Variants in ALG14 observed in about 807,000 individuals in gnomAD.
ALG14 encodes the protein ALG14 UDP-N-acetylglucosaminyltransferase subunit.
Under a neutral mutation model 22.8 loss-of-function variants are expected in ALG14, and 17 were observed. The observed-to-expected ratio is 0.75, with a 90% CI of 0.51 to 1.12. The LOEUF (loss-of-function observed/expected upper bound fraction) is 1.12, where lower values mean the gene tolerates loss of function less well. Ranked by LOEUF, ALG14 falls within the 50% of genes most tolerant of loss-of-function variation. The probability of loss-of-function intolerance (pLI) is 0.00; values close to 1 mark genes in which losing one functional copy is unlikely to be tolerated. For missense variants in ALG14, 288 were observed against 271.8 expected, an observed-to-expected ratio of 1.06 and a Z score of -0.42; for synonymous variants, 89 against 103.7, an observed-to-expected ratio of 0.86 and a Z score of 0.86.
At chr1:95,042,777 A>C (rs191014495) in intron 2 of ALG14, among the ~76,000 whole-genome samples, 72 of 152,186 alleles carry the variant, frequency 4.7e-4, no homozygotes, top group African/African-American at 1.6e-3. Flanking sequence ...CTTTCACTGG[A>C]CTCAGGATAG....
chr1:95,065,103 A>T, intron 1 of ALG14, 86 bp from the exon 2 acceptor site: 4 of 1,247,210 alleles, frequency 3.2e-6, no homozygotes, highest in Non-Finnish European at 4.3e-6. Flanking sequence ...TCATGGTTTC[A>T]GGTTGGGGGT....
intron 2 of ALG14, among the ~76,000 whole-genome samples, chr1:95,059,455 A>G (rs1675060840): frequency 6.6e-6 from 1 of 150,898 alleles, no homozygotes; most frequent in Admixed American, 6.6e-5. Flanking sequence ...TATCTCCTTG[A>G]ATTTCAATGA....
intron 3 of ALG14, among the ~76,000 whole-genome samples, chr1:95,001,270 C>A (rs981776067): frequency 3.3e-4 from 50 of 152,280 alleles, no homozygotes; most frequent in African/African-American, 1.2e-3. Flanking sequence ...CAGCCAGCCC[C>A]CATGGGTTTT....
chr1:95,008,079 T>G (rs886596836), intron 3 of ALG14, among the ~76,000 whole-genome samples: 12 of 152,212 alleles, frequency 7.9e-5, no homozygotes, highest in Admixed American at 3.9e-4. Context: ...ATTTCTTTCT[T>G]CTGAGAATCG....
At chr1:95,034,508 C>A (rs973853686) in intron 2 of ALG14, among the ~76,000 whole-genome samples, 1 of 152,212 alleles carries the variant, frequency 6.6e-6, no homozygotes, top group African/African-American at 2.4e-5. Context: ...GGGGAAGATG[C>A]TGGCTCTTAA....
chr1:95,039,240 C>T (rs1674306184), intron 2 of ALG14, among the ~76,000 whole-genome samples: 1 of 152,004 alleles, frequency 6.6e-6, no homozygotes, highest in Admixed American at 6.6e-5. Context: ...TAGGGAACAA[C>T]AGAAAATGGA....
At chr1:95,020,398 T>C (rs1283950853) in intron 3 of ALG14, among the ~76,000 whole-genome samples, 1 of 151,810 alleles carries the variant, frequency 6.6e-6, no homozygotes, top group Non-Finnish European at 1.5e-5. Context: ...TAGAAAACAC[T>C]ATCTGTGTTT....
chr1:95,059,290 G>C (rs1675048900), intron 2 of ALG14, among the ~76,000 whole-genome samples: 1 of 151,264 alleles, frequency 6.6e-6, no homozygotes. Flanking sequence ...CAAACTACTA[G>C]GGGGGCTGAG....
chr1:95,062,761 T>C (rs911298958), intron 2 of ALG14, among the ~76,000 whole-genome samples: 1 of 152,240 alleles, frequency 6.6e-6, no homozygotes, highest in Non-Finnish European at 1.5e-5. Context: ...AGTGAACATA[T>C]GTGTGCATGT....
At chr1:95,040,367 G>A (rs1674341532) in intron 2 of ALG14, among the ~76,000 whole-genome samples, 1 of 152,092 alleles carries the variant, frequency 6.6e-6, no homozygotes, top group Non-Finnish European at 1.5e-5. Context: ...CATAAAGTGA[G>A]CATCTACCAG....
At chr1:95,072,605 C>T (rs1557662207) in intron 1 of ALG14, among the ~76,000 whole-genome samples, 158 bp downstream of exon 1, 1 of 152,178 alleles carries the variant, frequency 6.6e-6, no homozygotes, top group South Asian at 2.1e-4. Context: ...CAGCCCCTAC[C>T]CTGGCTGGAC....
chr1:95,014,232 T>A (rs1673443369), intron 3 of ALG14, among the ~76,000 whole-genome samples: 1 of 152,210 alleles, frequency 6.6e-6, no homozygotes, highest in Non-Finnish European at 1.5e-5. Context: ...GGCTATTTGT[T>A]CTGGGCGCTT....
At chr1:95,038,250 G>A (rs1243056835) in intron 2 of ALG14, among the ~76,000 whole-genome samples, 1 of 152,216 alleles carries the variant, frequency 6.6e-6, no homozygotes, top group Non-Finnish European at 1.5e-5. Context: ...CACTTTGGGA[G>A]GCCGAGGTGT....
intron 3 of ALG14, among the ~76,000 whole-genome samples, chr1:95,015,260 C>G (rs756617148): frequency 3.9e-5 from 6 of 152,150 alleles, no homozygotes; most frequent in Non-Finnish European, 8.8e-5. Context: ...TAATTTCCAT[C>G]TGGTAGAACT....
chr1:95,045,848 TAATAG>T (rs1258972724), intron 2 of ALG14, among the ~76,000 whole-genome samples: 1 of 148,152 alleles, frequency 6.7e-6, no homozygotes, highest in African/African-American at 2.5e-5. Context: ...AATGGCATAC[TAATAG>T]AATTAGTATA....
At chr1:95,069,915 G>C (rs767425860) in intron 1 of ALG14, among the ~76,000 whole-genome samples, 3 of 152,118 alleles carry the variant, frequency 2.0e-5, no homozygotes, top group Admixed American at 6.6e-5. Context: ...GAAATTATCC[G>C]AGCTGGGGAG....
intron 3 of ALG14, among the ~76,000 whole-genome samples, chr1:95,026,086 C>G (rs533816309): frequency 6.6e-6 from 1 of 152,152 alleles, no homozygotes; most frequent in Non-Finnish European, 1.5e-5. Flanking sequence ...GCGCCCACCA[C>G]CACGGCCGGC....
Position 94,980,954 on chromosome 1 carries a change from GT to G in ALG14, c.*2121del, listed in dbSNP as rs10718566. The G allele has an allele frequency of 0.65, 98,565 of 151,988 alleles. 33,341 individuals carry two copies. Among genetic ancestry groups the G allele is most frequent in the East Asian group, 0.85 (4,395 of 5,158 alleles). 9.4% of individuals were successfully genotyped at this position (151,988 alleles called of 1,614,324 possible). A position where few individuals can be genotyped will look rare whatever the true frequency, so the allele number is the denominator to read the frequency against. ...TACAATTCTCTCTGGTCTGATCTTT[GT>G]TAAGCTCTGACCTGACAGAAGCCTC... On this transcript the variant is annotated 3_prime_UTR_variant, in exon 4 of 4. Coordinates refer to ENST00000370205, the MANE Select transcript of ALG14 (RefSeq NM_144988.4).
At chr1:94,986,081 G>A (rs965168351) in intron 3 of ALG14, among the ~76,000 whole-genome samples, 11 of 152,194 alleles carry the variant, frequency 7.2e-5, no homozygotes, top group Non-Finnish European at 1.6e-4. Context: ...AGAACTCACT[G>A]AGACAGTCTA....
Sources: gnomAD v4.1 joint callset for allele counts (sites outside exome capture counted in the v4.1 genomes callset) on GRCh38, gnomAD v4.1.1 for gene constraint, MANE v1.5 for transcripts, NCBI Gene and HGNC (gene_info 2026-07-23, HGNC 2026-07-21) for gene names.